ZXDC: variants seen among roughly 807,000 people sequenced by gnomAD.
ZXDC encodes the protein zinc finger protein ZXDC.
In ZXDC, 58 loss-of-function variants were observed where a neutral mutation model predicts 63.6. The observed-to-expected ratio is 0.91, with a 90% CI of 0.74 to 1.13. The LOEUF is 1.13. ZXDC is among the 50% of genes most tolerant of loss of function. ZXDC has a pLI of 0.00. For synonymous variants in ZXDC, 561 were observed against 496.1 expected, an observed-to-expected ratio of 1.13 and a Z score of -1.74; for missense variants, 1,133 against 1,148.9, an observed-to-expected ratio of 0.99 and a Z score of 0.20.
In ZXDC at chr3:126,471,029, C is replaced by T. The variant is rs1435010451; in HGVS notation, c.1140-4G>A. 6.2e-7 allele frequency: 1 copy of T among 1,612,476 alleles called. No homozygotes were observed. The highest frequency in any genetic ancestry group is 1.3e-5 in the African/African-American group (1 of 74,878). On this transcript the variant is annotated splice_polypyrimidine_tract_variant and splice_region_variant and intron_variant, in intron 3 of 9. Coordinates refer to ENST00000389709, the MANE Select transcript of ZXDC (RefSeq NM_025112.5). ...CCTCCGGTCATCGTCATGTTTCCTG[C>T]CAGACAGAAAAATAAAGGAGCTGTG... is the stretch of plus-strand genomic sequence containing the variant.
In ZXDC at chr3:126,441,866, A is replaced by T. The variant is rs1191681515; in HGVS notation, c.2293T>A (p.Leu765Met). ...CTGGGCACCACGAGGCTCCCACACA[A>T]CCAACTGTTCTGGCTTGCATGGAAA... ...PHFHASQNSW[L>M]CGSLVVPSGG... The change falls in exon 8 of 10, where the codon TTG (leucine) becomes ATG (methionine). Residue 765 changes from leucine (L) to methionine (M), a missense_variant. Transcript: ENST00000389709. The T allele has an allele frequency of 6.2e-7, 1 of 1,613,778 alleles. No individual in the cohort carries two copies. Among genetic ancestry groups the T allele is most frequent in the African/African-American group, 1.3e-5 (1 of 74,922 alleles).
At chr3:126,473,040 A>G (rs1482187235) in intron 1 of ZXDC, among the ~76,000 whole-genome samples, 2 of 152,228 alleles carry the variant, frequency 1.3e-5, no homozygotes, top group South Asian at 2.1e-4. Flanking sequence ...AGATACTATC[A>G]TGCCTATGAA....
intron 8 of ZXDC, chr3:126,439,949 T>C (rs979341765): frequency 7.1e-7 from 1 of 1,402,348 alleles, no homozygotes; most frequent in African/African-American, 1.5e-5. Context: ...CAGCAGCTTT[T>C]GCTGGGCCTG....
intron 7 of ZXDC, among the ~76,000 whole-genome samples, chr3:126,444,096 C>T (rs1933781841): frequency 6.6e-6 from 1 of 152,160 alleles, no homozygotes; most frequent in African/African-American, 2.4e-5. Flanking sequence ...TGAGTTTATT[C>T]AAGTGAGGGG....
At chr3:126,471,330 A>G (rs1934971707) in intron 3 of ZXDC, among the ~76,000 whole-genome samples, 1 of 152,222 alleles carries the variant, frequency 6.6e-6, no homozygotes, top group Non-Finnish European at 1.5e-5. Flanking sequence ...AGGTGTTTCT[A>G]TTGTTTAGAA....
At chr3:126,474,164 A>G (rs1935088686) in intron 1 of ZXDC, among the ~76,000 whole-genome samples, 1 of 148,876 alleles carries the variant, frequency 6.7e-6, no homozygotes, top group Non-Finnish European at 1.5e-5. Context: ...TCTGGGGTTC[A>G]CACCATTCTC....
At chr3:126,453,794 A>C (rs1934202762) in intron 7 of ZXDC, 1 of 979,260 alleles carries the variant, frequency 1.0e-6, no homozygotes, top group Non-Finnish European at 1.2e-6. Flanking sequence ...TCCCGGGTTC[A>C]AGCGATTCTC....
intron 6 of ZXDC, chr3:126,460,524 T>G: frequency 1.0e-6 from 1 of 985,158 alleles, no homozygotes; most frequent in Non-Finnish European, 1.2e-6. Context: ...ACCAGGGAGC[T>G]TCCATTTCCC....
In ZXDC at chr3:126,448,952, G is replaced by A. The variant is rs564262585; in HGVS notation, c.2213-7006C>T. 5.9e-5 allele frequency among the ~76,000 whole-genome samples: 9 copies of A among 152,350 alleles called. No individual in the cohort carries two copies. The South Asian group carries it at 1.0e-3, about 18-fold the overall frequency. On this transcript the variant is annotated intron_variant, in intron 7 of 9. Coordinates refer to ENST00000389709, the MANE Select transcript of ZXDC (RefSeq NM_025112.5). ...AGCATCCACACGGCAGGAGGTGCAG[G>A]AACTGCCTGGGGAGACGGGACGGGG...
intron 5 of ZXDC, among the ~76,000 whole-genome samples, chr3:126,465,386 A>G (rs1934715917): frequency 6.6e-6 from 1 of 152,202 alleles, no homozygotes; most frequent in African/African-American, 2.4e-5. Context: ...AGGCACTCAC[A>G]CACTCAGCAT....
chr3:126,447,788 G>A (rs1385981933), intron 7 of ZXDC, among the ~76,000 whole-genome samples: 1 of 152,240 alleles, frequency 6.6e-6, no homozygotes, highest in Admixed American at 6.5e-5. Flanking sequence ...GTCTCTTGCG[G>A]CATTTGCTGT....
chr3:126,452,464 C>T (rs1403857848), intron 7 of ZXDC: 6 of 985,306 alleles, frequency 6.1e-6, no homozygotes, highest in Non-Finnish European at 6.0e-6. Flanking sequence ...TCGTTCCTAA[C>T]AGGTGAGCAC....
At chr3:126,462,784 A>G (rs184250669) in intron 5 of ZXDC, among the ~76,000 whole-genome samples, 2 of 152,324 alleles carry the variant, frequency 1.3e-5, no homozygotes, top group East Asian at 1.9e-4. Context: ...CTGGAGCCAT[A>G]TAGGGGTGAA....
At chr3:126,451,259 G>C (rs1934089781) in intron 7 of ZXDC, 2 of 985,190 alleles carry the variant, frequency 2.0e-6, no homozygotes, top group Non-Finnish European at 2.4e-6. Flanking sequence ...GTGTACTACT[G>C]CTTGTTTCCA....
chr3:126,475,793 G>A lies in ZXDC; in HGVS notation c.73C>T (p.Arg25Cys), dbSNP rs1190146606. 1.1e-5 allele frequency: 12 copies of A among 1,100,666 alleles called. No individual in the cohort carries two copies. The highest frequency in any genetic ancestry group is 1.2e-5 in the Non-Finnish European group (11 of 905,738). The allele number at this position is 1,100,666 out of a possible 1,614,324, so 68.2% of individuals were successfully genotyped here. Residue 25 changes from arginine to cysteine, a missense_variant, in exon 1 of 10, where the codon CGC (arginine) becomes TGC (cysteine). Transcript: ENST00000389709. ...GCGCCGAGCGGCGCTGGGGCTCGGC[G>A]GAGCGGGCCGGGGCCGCCGCCATGT... ...GQHGGGPGPL[R>C]RAPAPLGASP...
At chr3:126,443,959 G>A (rs1933777904) in intron 7 of ZXDC, among the ~76,000 whole-genome samples, 1 of 152,202 alleles carries the variant, frequency 6.6e-6, no homozygotes, top group Non-Finnish European at 1.5e-5. Flanking sequence ...TCCCCAGTTA[G>A]TTCATGTATT....
chr3:126,459,245 G>A, intron 7 of ZXDC: 1 of 985,388 alleles, frequency 1.0e-6, no homozygotes, highest in Non-Finnish European at 1.2e-6. Flanking sequence ...CACACAGTTT[G>A]GCTCCATGTA....
Position 126,475,867 on chromosome 3 carries a change from T to C in ZXDC, c.-2A>G. 9.3e-7 allele frequency: 1 copy of C among 1,075,478 alleles called. No individual in the cohort carries two copies. Among genetic ancestry groups the C allele is most frequent in the Non-Finnish European group, 1.1e-6 (1 of 888,868 alleles). 66.6% of individuals were successfully genotyped at this position (1,075,478 alleles called of 1,614,324 possible). ...GGGGAGCAGCGCCGGGAGGTCCATCTTGGTCCCAGCGACGGCGTCGGAGCA... is the reference window on the plus strand; with the variant it reads ...GGGGAGCAGCGCCGGGAGGTCCATCCTGGTCCCAGCGACGGCGTCGGAGCA... On this transcript the variant is annotated 5_prime_UTR_variant, in exon 1 of 10. Coordinates refer to ENST00000389709, the MANE Select transcript of ZXDC (RefSeq NM_025112.5).
intron 7 of ZXDC, chr3:126,453,090 T>C (rs561583472): frequency 1.0e-6 from 1 of 985,414 alleles, no homozygotes; most frequent in East Asian, 1.1e-4. Context: ...TGGAGCAGCA[T>C]TTACTGCACA....
Sources: allele counts gnomAD v4.1 joint callset (sites outside exome capture counted in the v4.1 genomes callset), GRCh38; gene constraint gnomAD v4.1.1; transcripts MANE v1.5; gene names NCBI Gene and HGNC (gene_info 2026-07-23, HGNC 2026-07-21).